Variants in PLEKHH2 observed in about 807,000 individuals in gnomAD.
The protein encoded by PLEKHH2 is pleckstrin homology, MyTH4 and FERM domain containing H2.
A neutral mutation model predicts 187.9 loss-of-function variants in PLEKHH2; 129 were observed. The ratio of observed to expected loss-of-function variants is 0.69; its 90% CI spans 0.59 to 0.79. The LOEUF (loss-of-function observed/expected upper bound fraction) is 0.79, where lower values mean the gene tolerates loss of function less well. PLEKHH2 is among the 30% of genes least tolerant of loss of function. The pLI, the probability that PLEKHH2 is intolerant of heterozygous loss-of-function variation, is 0.00. For missense variants in PLEKHH2, 2,076 were observed against 1,751.2 expected (o/e 1.19, Z -3.31); for synonymous variants, 686 against 605.6 (o/e 1.13, Z -1.95).
intron 2 of PLEKHH2, among the ~76,000 whole-genome samples, chr2:43,657,723 T>C (rs890704135): frequency 3.3e-5 from 5 of 152,254 alleles, no homozygotes; most frequent in Non-Finnish European, 7.3e-5. Context: ...TCACATGTAG[T>C]GCACCATGCA....
intron 3 of PLEKHH2, among the ~76,000 whole-genome samples, chr2:43,682,276 GT>G (rs1405727182): frequency 6.6e-6 from 1 of 151,980 alleles, no homozygotes; most frequent in Non-Finnish European, 1.5e-5. Context: ...TCTGTGTTTT[GT>G]TCTTTAATCA....
At chr2:43,697,640 C>T (rs1462448728) in intron 7 of PLEKHH2, among the ~76,000 whole-genome samples, 1 of 152,178 alleles carries the variant, frequency 6.6e-6, no homozygotes, top group Non-Finnish European at 1.5e-5. Flanking sequence ...ACTGTCCCAT[C>T]TGCAAGATGC....
chr2:43,652,179 TA>T (rs1666508974), intron 2 of PLEKHH2, among the ~76,000 whole-genome samples: 1 of 152,198 alleles, frequency 6.6e-6, no homozygotes, highest in African/African-American at 2.4e-5. Flanking sequence ...TTCAATTTTT[TA>T]GCAGGAAGTA....
chr2:43,657,390 G>A (rs921197726), intron 2 of PLEKHH2, among the ~76,000 whole-genome samples: 8 of 152,136 alleles, frequency 5.3e-5, no homozygotes, highest in Non-Finnish European at 1.2e-4. Context: ...GAAACAACTG[G>A]AAACTATCTG....
chr2:43,643,825 C>G (rs970995906), intron 1 of PLEKHH2, among the ~76,000 whole-genome samples: 1 of 152,016 alleles, frequency 6.6e-6, no homozygotes, highest in African/African-American at 2.4e-5. Flanking sequence ...ATCTCAGAGC[C>G]AGAAACCATC....
chr2:43,693,752 C>T (rs1170095676), intron 4 of PLEKHH2, among the ~76,000 whole-genome samples: 2 of 121,572 alleles, frequency 1.6e-5, no homozygotes, highest in Admixed American at 7.8e-5. Context: ...GAAAAAATTG[C>T]ACTGGGGATT....
chr2:43,724,788 T>A (rs1169323576), intron 16 of PLEKHH2, among the ~76,000 whole-genome samples: 2 of 152,214 alleles, frequency 1.3e-5, no homozygotes, highest in East Asian at 3.8e-4. Context: ...CTTAATCAAA[T>A]TGCTGATCAA....
intron 3 of PLEKHH2, among the ~76,000 whole-genome samples, chr2:43,691,201 G>A (rs1210306949): frequency 2.6e-5 from 4 of 152,056 alleles, no homozygotes; most frequent in Admixed American, 6.6e-5. Context: ...CTTGTCTCAC[G>A]ACCAGGAAGA....
At chr2:43,648,924 T>C (rs1323264129) in intron 2 of PLEKHH2, among the ~76,000 whole-genome samples, 1 of 152,178 alleles carries the variant, frequency 6.6e-6, no homozygotes, top group Non-Finnish European at 1.5e-5. Flanking sequence ...TCTGAATTTT[T>C]AAAGGAAAAA....
intron 3 of PLEKHH2, chr2:43,681,293 G>A (rs1668169492): frequency 1.3e-6 from 1 of 747,664 alleles, no homozygotes; most frequent in Non-Finnish European, 2.2e-6. Flanking sequence ...CTGGCTGACT[G>A]TAACTCTGTC....
At position 43,706,364 on chromosome 2, in the gene PLEKHH2, C is replaced by CA; in HGVS notation, c.1770dup (p.Ser591IlefsTer24). Reference sequence around the variant, plus strand: ...TCCTATACTACATCAGGACTTTATACATCTCTGATATACAAGAACATGACC... The same window carrying CA: ...TCCTATACTACATCAGGACTTTATACAATCTCTGATATACAAGAACATGACC... On this transcript the variant is annotated frameshift_variant, in exon 10 of 30. Transcript: ENST00000282406. LOFTEE classifies it high-confidence loss of function. 6.2e-7 allele frequency: 1 copy of CA among 1,609,858 alleles called. No individual in the cohort carries two copies. The highest frequency in any genetic ancestry group is 1.1e-5 in the South Asian group (1 of 90,916).
chr2:43,643,675 A>G lies in PLEKHH2; in HGVS notation c.-3-996A>G, dbSNP rs550770893. The stretch of plus-strand genomic sequence containing the variant: ...GAGAGTTTTGCTGTCACCGTTCTTC[A>G]TAACTGAGGCTTTCCATTCCTAATG... On this transcript the variant is annotated intron_variant, in intron 1 of 29. Coordinates refer to ENST00000282406, the MANE Select transcript of PLEKHH2 (RefSeq NM_172069.4). Among the ~76,000 whole-genome samples the G allele has an allele frequency of 3.9e-5, 6 of 152,234 alleles. No homozygotes were observed. In the East Asian group the frequency reaches 9.6e-4, roughly 24 times the overall value.
chr2:43,748,071 C>T (rs1671850937), intron 24 of PLEKHH2, among the ~76,000 whole-genome samples: 1 of 152,140 alleles, frequency 6.6e-6, no homozygotes, highest in African/African-American at 2.4e-5. Context: ...AAATATGGCA[C>T]ATTCATATTT....
chr2:43,692,318 G>A (rs1472332532), intron 3 of PLEKHH2, 196 bp from the exon 4 acceptor site: 5 of 423,566 alleles, frequency 1.2e-5, no homozygotes, highest in African/African-American at 2.1e-5. Context: ...ATGTTTGTAT[G>A]TACCTCCAAG....
intron 1 of PLEKHH2, among the ~76,000 whole-genome samples, chr2:43,639,082 A>G (rs1379218516): frequency 2.0e-5 from 3 of 152,340 alleles, no homozygotes; most frequent in Admixed American, 2.0e-4. Context: ...TATATGTATG[A>G]TACTTTTCAT....
Position 43,678,878 on chromosome 2 carries a change from A to G in PLEKHH2, c.139A>G (p.Arg47Gly). ...CACTCTACAGATGCAACAGCTTGAG[A>G]GACAAGTTATTGATGCTGAACGTCA... The part of the protein sequence containing the change: ...LLAEKMQQLE[R>G]QVIDAERQAE... The change falls in exon 3 of 30, where the codon AGA becomes GGA. Residue 47 changes from arginine to glycine, a missense_variant. Arg to Gly is a moderately radical substitution (Grantham distance 125). Coordinates refer to ENST00000282406, the MANE Select transcript of PLEKHH2 (RefSeq NM_172069.4). 1 of 1,606,540 alleles carries G rather than the reference A, an allele frequency of 6.2e-7. No homozygotes were observed. The highest frequency in any genetic ancestry group is 8.5e-7 in the Non-Finnish European group (1 of 1,174,914).
intron 15 of PLEKHH2, among the ~76,000 whole-genome samples, chr2:43,717,148 T>C (rs1050227630): frequency 4.6e-5 from 7 of 152,324 alleles, no homozygotes; most frequent in Non-Finnish European, 1.0e-4. Context: ...CCAAGCATGG[T>C]GGCTCATGCC....
At chr2:43,693,125 G>A (rs1245679786) in intron 4 of PLEKHH2, among the ~76,000 whole-genome samples, 1 of 152,070 alleles carries the variant, frequency 6.6e-6, no homozygotes, top group Non-Finnish European at 1.5e-5. Context: ...AGAAGAGAAA[G>A]GGTTTTGCCA....
At chr2:43,737,963 A>G (rs2104586892) in intron 19 of PLEKHH2, among the ~76,000 whole-genome samples, 1 of 152,332 alleles carries the variant, frequency 6.6e-6, no homozygotes, top group African/African-American at 2.4e-5. Context: ...GAAGATATTA[A>G]AAAGACCCAA....
Sources: allele counts gnomAD v4.1 joint callset (sites outside exome capture counted in the v4.1 genomes callset), GRCh38; gene constraint gnomAD v4.1.1; transcripts MANE v1.5; gene names NCBI Gene and HGNC (gene_info 2026-07-23, HGNC 2026-07-21).